The following PLCH1 variants were observed in gnomAD, a reference collection of about 807,000 sequenced individuals.
PLCH1 encodes 1-phosphatidylinositol 4,5-bisphosphate phosphodiesterase eta-1.
PLCH1 carries 60 observed loss-of-function variants against 126.7 expected under a neutral mutation model. The ratio of observed to expected loss-of-function variants is 0.47; its 90% confidence interval spans 0.38 to 0.59. PLCH1 has a LOEUF of 0.59. PLCH1 is among the 20% of genes least tolerant of loss of function. The pLI is 0.00. For missense variants in PLCH1, 1,723 were observed against 2,040.0 expected, an observed-to-expected ratio of 0.84 and a Z score of 2.99; for synonymous variants, 719 against 734.9, an observed-to-expected ratio of 0.98 and a Z score of 0.35.
At chr3:155,588,389 A>T (rs1731654148) in intron 4 of PLCH1, among the ~76,000 whole-genome samples, 1 of 151,788 alleles carries the variant, frequency 6.6e-6, no homozygotes, top group Admixed American at 6.6e-5. Context: ...CCTGAGTCTC[A>T]TTTTCTTCTG....
intron 12 of PLCH1, among the ~76,000 whole-genome samples, chr3:155,505,497 A>G (rs1239148720): frequency 1.3e-5 from 2 of 152,212 alleles, no homozygotes; most frequent in South Asian, 2.1e-4. Context: ...AACCACATAA[A>G]TGGAATAAAT....
intron 1 of PLCH1, among the ~76,000 whole-genome samples, chr3:155,735,062 G>C (rs1749073609): frequency 6.6e-6 from 1 of 152,142 alleles, no homozygotes; most frequent in African/African-American, 2.4e-5. Flanking sequence ...CCTATCATTT[G>C]CAACATGGAT....
intron 2 of PLCH1, among the ~76,000 whole-genome samples, chr3:155,597,974 A>G (rs1209903109): frequency 6.6e-6 from 1 of 152,136 alleles, no homozygotes; most frequent in Non-Finnish European, 1.5e-5. Flanking sequence ...ACCTGAGGTC[A>G]GGAGCTCGAG....
intron 2 of PLCH1, among the ~76,000 whole-genome samples, chr3:155,636,197 C>A (rs1432610477): frequency 6.6e-6 from 1 of 152,092 alleles, no homozygotes; most frequent in Non-Finnish European, 1.5e-5. Context: ...CTGGAATAAC[C>A]AATGTGATCA....
At chr3:155,603,156 A>C (rs989811869) in intron 2 of PLCH1, among the ~76,000 whole-genome samples, 27 of 152,322 alleles carry the variant, frequency 1.8e-4, no homozygotes, top group Non-Finnish European at 2.6e-4. Flanking sequence ...AACAACAAAA[A>C]AAAAAGTCCA....
At position 155,732,063 on chromosome 3, in the gene PLCH1, T is replaced by G. The variant is rs556694351; in HGVS notation, c.-41+12777A>C. 1.0e-4 allele frequency among the ~76,000 whole-genome samples: 15 copies of G among 146,196 alleles called. No individual in the cohort carries two copies. In the South Asian group the frequency reaches 3.0e-3, roughly 30 times the overall value. ...AAAATAAAACACTACTAACCAACTC[T>G]AAAGAAAAAAAAGATGTATGAACTG... On this transcript the variant is annotated intron_variant, in intron 1 of 22. Transcript: ENST00000460012.
At chr3:155,558,757 T>C (rs1325534855) in intron 8 of PLCH1, among the ~76,000 whole-genome samples, 1 of 152,158 alleles carries the variant, frequency 6.6e-6, no homozygotes, top group Non-Finnish European at 1.5e-5. Flanking sequence ...TTCTATTTAA[T>C]ATTTTCGGGG....
intron 8 of PLCH1, among the ~76,000 whole-genome samples, chr3:155,559,381 C>T (rs903441431): frequency 2.0e-5 from 3 of 152,036 alleles, no homozygotes; most frequent in Admixed American, 2.0e-4. Context: ...TTCCTTCCTA[C>T]AATACATTCA....
rs762599623 is a variant in PLCH1, at chr3:155,733,231, T to C, written c.-41+11609A>G. Among the ~76,000 whole-genome samples, 46 of 152,176 alleles carry C rather than the reference T, an allele frequency of 3.0e-4. 1 individual carries two copies. The highest frequency in any genetic ancestry group is 5.3e-4 in the Non-Finnish European group (36 of 68,034). On this transcript the variant is annotated intron_variant, in intron 1 of 22. Coordinates refer to ENST00000460012, the MANE Select transcript of PLCH1 (RefSeq NM_014996.4). ...AAAAGAAAAACACCTAAAATTCATA[T>C]GGAACCACAAAAGATCCTGAATAGA... is the stretch of plus-strand genomic sequence containing the variant.
At chr3:155,621,934 A>G (rs1464537588) in intron 2 of PLCH1, among the ~76,000 whole-genome samples, 1 of 152,184 alleles carries the variant, frequency 6.6e-6, no homozygotes, top group African/African-American at 2.4e-5. Context: ...AATCCTCAAG[A>G]AGAACAACCC....
At chr3:155,495,847 AT>A (rs1361735881) in intron 15 of PLCH1, among the ~76,000 whole-genome samples, 8 of 152,194 alleles carry the variant, frequency 5.3e-5, no homozygotes, top group African/African-American at 1.9e-4. Flanking sequence ...ATGTTCATAT[AT>A]TTTTTATTGG....
intron 2 of PLCH1, among the ~76,000 whole-genome samples, chr3:155,606,173 GAA>G (rs1465623547): frequency 6.6e-6 from 1 of 151,850 alleles, no homozygotes; most frequent in East Asian, 1.9e-4. Context: ...GTTTTTTGAG[GAA>G]AAAAAGTTTT....
intron 2 of PLCH1, among the ~76,000 whole-genome samples, chr3:155,604,080 T>C (rs763283657): frequency 2.6e-5 from 4 of 152,136 alleles, no homozygotes; most frequent in South Asian, 2.1e-4. Context: ...GCCTGGGAGA[T>C]AGAGCAAGAC....
chr3:155,517,705 C>G (rs958971549), intron 11 of PLCH1, among the ~76,000 whole-genome samples: 2 of 152,168 alleles, frequency 1.3e-5, no homozygotes, highest in Non-Finnish European at 2.9e-5. Flanking sequence ...CGCAAAGACC[C>G]TTTTTCCAAA....
intron 2 of PLCH1, among the ~76,000 whole-genome samples, chr3:155,609,162 A>C (rs1734743087): frequency 6.6e-6 from 1 of 152,100 alleles, no homozygotes; most frequent in South Asian, 2.1e-4. Context: ...TGCCACCTCC[A>C]CCAAAGCAGG....
intron 12 of PLCH1, among the ~76,000 whole-genome samples, chr3:155,504,837 G>C (rs914432631): frequency 6.6e-6 from 1 of 152,210 alleles, no homozygotes; most frequent in African/African-American, 2.4e-5. Context: ...GGCATGGAGA[G>C]ATGGATGCCA....
intron 3 of PLCH1, among the ~76,000 whole-genome samples, chr3:155,595,461 C>A (rs1202577873): frequency 6.6e-6 from 1 of 152,178 alleles, no homozygotes; most frequent in Non-Finnish European, 1.5e-5. Context: ...GGGAAATGAG[C>A]CTATGCTCAG....
chr3:155,681,055 A>C (rs189992979), intron 2 of PLCH1, among the ~76,000 whole-genome samples: 1 of 152,222 alleles, frequency 6.6e-6, no homozygotes, highest in African/African-American at 2.4e-5. Context: ...TAAATCCTAT[A>C]AAAACATATG....
At chr3:155,599,451 A>T (rs963959107) in intron 2 of PLCH1, among the ~76,000 whole-genome samples, 4 of 152,160 alleles carry the variant, frequency 2.6e-5, no homozygotes, top group Non-Finnish European at 4.4e-5. Flanking sequence ...TCAAAAGGGA[A>T]TTGACAGAAT....
Sources: allele counts gnomAD v4.1 joint callset (sites outside exome capture counted in the v4.1 genomes callset), GRCh38; gene constraint gnomAD v4.1.1; transcripts MANE v1.5; gene names NCBI Gene and HGNC (gene_info 2026-07-23, HGNC 2026-07-21).